SLC4A5: variants seen among roughly 807,000 people sequenced by gnomAD.
SLC4A5 encodes electrogenic sodium bicarbonate cotransporter 4.
A neutral mutation model predicts 120.4 loss-of-function variants in SLC4A5; 96 were observed. That is an observed-to-expected ratio of 0.80 (90% confidence interval 0.68 to 0.94). The LOEUF (loss-of-function observed/expected upper bound fraction) is 0.94. SLC4A5 is among the 40% of genes least tolerant of loss of function. The pLI, the probability that SLC4A5 is intolerant of heterozygous loss-of-function variation, is 0.00. For synonymous variants in SLC4A5, 550 were observed against 571.1 expected, an observed-to-expected ratio of 0.96 and a Z score of 0.53; for missense variants, 1,259 against 1,459.5, an observed-to-expected ratio of 0.86 and a Z score of 2.24.
chr2:74,306,856 T>C (rs1306598344), intron 6 of SLC4A5: 3 of 642,506 alleles, frequency 4.7e-6, no homozygotes, highest in Non-Finnish European at 8.5e-6. Flanking sequence ...TTGAAGTCCT[T>C]GCCATCTTCC....
intron 11 of SLC4A5, 64 bp from the exon 12 acceptor site, chr2:74,259,707 G>T: frequency 6.6e-7 from 1 of 1,506,802 alleles, no homozygotes; most frequent in South Asian, 1.1e-5. Context: ...CCTTTCCTAT[G>T]GGCCCTACTC....
At chr2:74,301,033 T>C (rs1672463804) in intron 7 of SLC4A5, among the ~76,000 whole-genome samples, 1 of 152,148 alleles carries the variant, frequency 6.6e-6, no homozygotes, top group African/African-American at 2.4e-5. Context: ...AATAGAAAAG[T>C]ACAGACACCC....
At chr2:74,256,223 T>G (rs1277112163) in intron 12 of SLC4A5, among the ~76,000 whole-genome samples, 3 of 151,464 alleles carry the variant, frequency 2.0e-5, no homozygotes, top group Admixed American at 6.6e-5. Flanking sequence ...GGTTGAGGGG[T>G]CAGAGAAGAG....
chr2:74,257,448 CT>C (rs1347203669), intron 12 of SLC4A5, among the ~76,000 whole-genome samples: 2 of 152,108 alleles, frequency 1.3e-5, no homozygotes, highest in Admixed American at 1.3e-4. Flanking sequence ...CAGCCACCGT[CT>C]CCGAGCATCA....
chr2:74,305,435 A>G (rs1343123093), intron 6 of SLC4A5, among the ~76,000 whole-genome samples: 1 of 152,108 alleles, frequency 6.6e-6, no homozygotes, highest in Non-Finnish European at 1.5e-5. Context: ...ACCTACCTCG[A>G]CCCTAATCCT....
chr2:74,310,401 T>C (rs2104282634), intron 6 of SLC4A5, among the ~76,000 whole-genome samples: 1 of 152,348 alleles, frequency 6.6e-6, no homozygotes, highest in East Asian at 1.9e-4. Flanking sequence ...AAGTTTTCAG[T>C]TTCTCATCAT....
intron 11 of SLC4A5, 113 bp downstream of exon 11, chr2:74,262,024 G>A (rs1419329989): frequency 7.4e-6 from 7 of 950,542 alleles, no homozygotes; most frequent in Non-Finnish European, 6.2e-6. Context: ...TGCATGCCCT[G>A]AGAATTCTTG....
At position 74,286,001 on chromosome 2, in the gene SLC4A5, G is replaced by T. The variant is rs1264456718; in HGVS notation, c.272-99C>A. 9.5e-6 allele frequency: 13 copies of T among 1,365,068 alleles called. No homozygotes were observed. The Admixed American group carries it at 2.6e-4, about 27-fold the overall frequency. 84.6% of individuals were successfully genotyped at this position (1,365,068 alleles called of 1,614,324 possible). On this transcript the variant is annotated intron_variant, in intron 7 of 30. Coordinates refer to ENST00000394019, the Ensembl canonical transcript of SLC4A5. ...AGTAGGAGGCAAGCACAAGGGAAAA[G>T]TATTTTCTAATTCTGTAAAACTAAG...
intron 8 of SLC4A5, among the ~76,000 whole-genome samples, chr2:74,277,165 A>G (rs1423356666): frequency 6.6e-6 from 1 of 152,196 alleles, no homozygotes; most frequent in African/African-American, 2.4e-5. Flanking sequence ...CCCCTTGGGC[A>G]TCGCAAACAG....
At chr2:74,240,718 T>C (rs1364943298) in intron 20 of SLC4A5, among the ~76,000 whole-genome samples, 9 of 150,276 alleles carry the variant, frequency 6.0e-5, no homozygotes, top group Admixed American at 6.0e-4. Flanking sequence ...GCAGTGATGA[T>C]ACGATCACAC....
At chr2:74,267,986 ATTT>A (rs749084577) in intron 8 of SLC4A5, among the ~76,000 whole-genome samples, 1 of 144,806 alleles carries the variant, frequency 6.9e-6, no homozygotes. Context: ...GTCCGTCTAC[ATTT>A]TTTTTTTTTT....
At chr2:74,332,333 T>C (rs74957505) in intron 4 of SLC4A5, among the ~76,000 whole-genome samples, 81 of 117,912 alleles carry the variant, frequency 6.9e-4, no homozygotes, top group Admixed American at 3.3e-3. Context: ...AAAATAAACA[T>C]ACATTGACAG....
intron 25 of SLC4A5, among the ~76,000 whole-genome samples, chr2:74,228,083 T>C (rs917165378): frequency 6.6e-6 from 1 of 152,196 alleles, no homozygotes; most frequent in Non-Finnish European, 1.5e-5. Flanking sequence ...CTGGGGTAGC[T>C]GGCCCAGCAT....
At chr2:74,307,241 C>T in intron 6 of SLC4A5, 2 of 520,646 alleles carry the variant, frequency 3.8e-6, no homozygotes, top group Non-Finnish European at 3.6e-6. Context: ...TCTTCTGAGG[C>T]AGCTAATCAT....
intron 19 of SLC4A5, among the ~76,000 whole-genome samples, chr2:74,244,523 CTCTT>C (rs773606806): frequency 5.7e-4 from 84 of 148,408 alleles, no homozygotes; most frequent in Admixed American, 1.4e-3. Context: ...CCCTTTCTTT[CTCTT>C]TCTTTTTTCT....
chr2:74,254,746 A>C (rs552604041), intron 13 of SLC4A5, 40 bp from the exon 14 acceptor site: 2 of 1,427,346 alleles, frequency 1.4e-6, no homozygotes, highest in East Asian at 4.5e-5. Flanking sequence ...AAGATTAAGG[A>C]AGAGGAGCAT....
intron 7 of SLC4A5, chr2:74,290,495 T>C (rs1055853993): frequency 2.0e-6 from 2 of 984,552 alleles, no homozygotes; most frequent in African/African-American, 3.5e-5. Flanking sequence ...AGGCTATATG[T>C]AGAGAGAATA....
intron 25 of SLC4A5, 87 bp downstream of exon 25, chr2:74,231,149 T>C: frequency 7.9e-7 from 1 of 1,261,694 alleles, no homozygotes; most frequent in East Asian, 2.4e-5. Flanking sequence ...CAGTGATCCC[T>C]AGCCATGTGG....
At chr2:74,274,527 T>A (rs912332425) in intron 8 of SLC4A5, among the ~76,000 whole-genome samples, 2 of 152,164 alleles carry the variant, frequency 1.3e-5, no homozygotes, top group Non-Finnish European at 2.9e-5. Context: ...GGGGCAGGCA[T>A]GGGTCAAGGG....
Sources: allele counts gnomAD v4.1 joint callset (sites outside exome capture counted in the v4.1 genomes callset), GRCh38; gene constraint gnomAD v4.1.1; transcripts MANE v1.5; gene names NCBI Gene and HGNC (gene_info 2026-07-23, HGNC 2026-07-21).